ACSS1: variants seen among roughly 807,000 people sequenced by gnomAD.
ACSS1 encodes the protein acyl-CoA synthetase short chain family member 1.
A neutral mutation model predicts 75.3 loss-of-function variants in ACSS1; 42 were observed. The observed-to-expected ratio is 0.56, with a 90% confidence interval of 0.44 to 0.72. ACSS1 has a LOEUF of 0.72. ACSS1 is among the 30% of genes least tolerant of loss of function. ACSS1 has a pLI of 0.00. For synonymous variants in ACSS1, 380 were observed against 376.8 expected (o/e 1.01, Z -0.10); for missense variants, 782 against 935.7 (o/e 0.84, Z 2.14).
intron 2 of ACSS1, among the ~76,000 whole-genome samples, chr20:25,037,480 C>G (rs965678778): frequency 6.6e-6 from 1 of 152,120 alleles, no homozygotes; most frequent in African/African-American, 2.4e-5. Flanking sequence ...GGAAGTAAAC[C>G]CAGGTAATTG....
chr20:25,009,158 T>C, intron 13 of ACSS1, 112 bp downstream of exon 13: 1 of 966,432 alleles, frequency 1.0e-6, no homozygotes, highest in South Asian at 1.5e-5. Flanking sequence ...ACAGCTAGTG[T>C]CCGTTTTGAT....
chr20:25,045,849 A>G (rs2089079517), intron 2 of ACSS1: 1 of 152,260 alleles, frequency 6.6e-6, no homozygotes, highest in Non-Finnish European at 1.5e-5. Context: ...TCACTCAAAC[A>G]GTAAATAGAA....
At chr20:25,021,900 C>T (rs1481736531) in intron 5 of ACSS1, among the ~76,000 whole-genome samples, 3 of 152,148 alleles carry the variant, frequency 2.0e-5, no homozygotes, top group South Asian at 4.1e-4. Flanking sequence ...GGAGCCTGAT[C>T]CCATCTCAGG....
In ACSS1 at chr20:25,020,437, G is replaced by A. The variant is rs370645636; in HGVS notation, c.1109-290C>T. 6.4e-4 allele frequency among the ~76,000 whole-genome samples: 97 copies of A among 152,346 alleles called. 1 individual carries two copies. The South Asian group carries it at 0.014, about 21-fold the overall frequency. ...ATGGCCTAGTTCAAGGTGATACTAC[G>A]TGGATTTAATAACCCATGGAGCATT... On this transcript the variant is annotated intron_variant, in intron 6 of 13. Transcript: ENST00000323482.
intron 7 of ACSS1, among the ~76,000 whole-genome samples, chr20:25,019,657 C>A (rs1010194889): frequency 8.5e-5 from 13 of 152,216 alleles, no homozygotes; most frequent in Non-Finnish European, 1.9e-4. Flanking sequence ...CCACACCCAG[C>A]TAAGTTATAC....
chr20:25,051,352 T>A (rs993021550), intron 1 of ACSS1, among the ~76,000 whole-genome samples: 6 of 152,158 alleles, frequency 3.9e-5, no homozygotes, highest in South Asian at 2.1e-4. Context: ...AGCCAAAGGG[T>A]CATATTGAGG....
intron 8 of ACSS1, among the ~76,000 whole-genome samples, chr20:25,014,918 G>C (rs112895126): frequency 1.3e-5 from 2 of 152,206 alleles, no homozygotes; most frequent in African/African-American, 4.8e-5. Flanking sequence ...GGAGGAAACC[G>C]AGCCTCAGAG....
intron 6 of ACSS1, 147 bp from the exon 7 acceptor site, chr20:25,020,294 G>T: frequency 1.0e-6 from 1 of 959,292 alleles, no homozygotes; most frequent in Non-Finnish European, 1.4e-6. Context: ...CCCCACCCCC[G>T]CCAGTGAAAG....
In ACSS1 at chr20:25,037,005, A is replaced by AAGGAAGG. The variant is rs1555853780; in HGVS notation, c.432-6048_432-6047insCCTTCCT. Among the ~76,000 whole-genome samples the AAGGAAGG allele has an allele frequency of 2.3e-3, 300 of 131,942 alleles. 1 individual carries two copies. Among genetic ancestry groups the AAGGAAGG allele is most frequent in the African/African-American group, 8.4e-3 (282 of 33,680 alleles). The allele number at this position is 131,942 out of a possible 152,430, so 86.6% of individuals were successfully genotyped here. ...AAAGAAAAAGAAAGAAAGAAGAAAGAAAGGAAGGAAGGAAGGAAGGAAGGA... is the reference window on the plus strand; with the variant it reads ...AAAGAAAAAGAAAGAAAGAAGAAAGAAGGAAGGAAGGAAGGAAGGAAGGAAGGAAGGA... On this transcript the variant is annotated intron_variant, in intron 2 of 13. Coordinates refer to ENST00000323482, the MANE Select transcript of ACSS1 (RefSeq NM_032501.4).
intron 2 of ACSS1, chr20:25,032,582 C>T: frequency 8.0e-7 from 1 of 1,243,388 alleles, no homozygotes; most frequent in Non-Finnish European, 1.0e-6. Flanking sequence ...GCGGGGCAGA[C>T]CACCAGCCCG....
At chr20:25,042,127 G>C (rs909443556) in intron 2 of ACSS1, among the ~76,000 whole-genome samples, 5 of 152,180 alleles carry the variant, frequency 3.3e-5, no homozygotes, top group African/African-American at 1.2e-4. Context: ...AACTCCCTCA[G>C]TGTGGGTCAC....
intron 1 of ACSS1, among the ~76,000 whole-genome samples, chr20:25,055,484 C>T (rs1203964006): frequency 1.3e-5 from 2 of 152,194 alleles, no homozygotes; most frequent in African/African-American, 4.8e-5. Context: ...ACACTAATCC[C>T]AATTCTGTTT....
At chr20:25,037,954 C>T (rs553717748) in intron 2 of ACSS1, among the ~76,000 whole-genome samples, 1 of 152,348 alleles carries the variant, frequency 6.6e-6, no homozygotes, top group Non-Finnish European at 1.5e-5. Flanking sequence ...GGCTCATAAA[C>T]CAAGTATGAA....
At chr20:25,028,288 A>G (rs1047797425) in intron 3 of ACSS1, among the ~76,000 whole-genome samples, 1 of 152,234 alleles carries the variant, frequency 6.6e-6, no homozygotes, top group Non-Finnish European at 1.5e-5. Context: ...CAAGAAAGCA[A>G]GAAGAGCCAA....
At chr20:25,012,463 TGA>T in intron 12 of ACSS1, 136 bp downstream of exon 12, 1 of 1,090,912 alleles carries the variant, frequency 9.2e-7, no homozygotes, top group Non-Finnish European at 1.4e-6. Flanking sequence ...AGTTTCCACT[TGA>T]GAGAGAAGAA....
In ACSS1 at chr20:25,015,284, C is replaced by T. The variant is rs1038267069; in HGVS notation, c.1247-54G>A. The T allele has an allele frequency of 7.5e-6, 11 of 1,470,592 alleles. No individual in the cohort carries two copies. In the African/African-American group the frequency reaches 1.1e-4, roughly 15 times the overall value. 91.1% of individuals were successfully genotyped at this position (1,470,592 alleles called of 1,614,324 possible). A position where few individuals can be genotyped will look rare whatever the true frequency, so the allele number is the denominator to read the frequency against. On this transcript the variant is annotated intron_variant, in intron 7 of 13. Coordinates refer to ENST00000323482, the MANE Select transcript of ACSS1 (RefSeq NM_032501.4). ...TAACAGGCTGCAAATAAACCTGAAA[C>T]CAAAGGGAAGTTTTGTTTTTTGTTT...
chr20:25,038,158 A>C (rs2088946316), intron 2 of ACSS1, among the ~76,000 whole-genome samples: 1 of 152,204 alleles, frequency 6.6e-6, no homozygotes, highest in African/African-American at 2.4e-5. Flanking sequence ...TAACAAGATC[A>C]CTAAAGCTAT....
chr20:25,024,391 G>A (rs912361324), intron 3 of ACSS1, among the ~76,000 whole-genome samples: 1 of 152,210 alleles, frequency 6.6e-6, no homozygotes, highest in Non-Finnish European at 1.5e-5. Flanking sequence ...CCCCAGTGCG[G>A]GATGACCCAG....
At position 25,012,794 on chromosome 20, in the gene ACSS1, G is replaced by C; in HGVS notation, c.1707+18C>G. 1 of 1,613,890 alleles carries C rather than the reference G, an allele frequency of 6.2e-7. No homozygotes were observed. The highest frequency in any genetic ancestry group is 8.5e-7 in the Non-Finnish European group (1 of 1,179,868). ...ATGGAGGTGTAGGAGTGAAGGAGGAGGCCCAGCCTGTGCTCACGATGGCGT... is the reference window on the plus strand; with the variant it reads ...ATGGAGGTGTAGGAGTGAAGGAGGACGCCCAGCCTGTGCTCACGATGGCGT... On this transcript the variant is annotated intron_variant, in intron 11 of 13. Transcript: ENST00000323482.
Sources: allele counts gnomAD v4.1 joint callset (sites outside exome capture counted in the v4.1 genomes callset), GRCh38; gene constraint gnomAD v4.1.1; transcripts MANE v1.5; gene names NCBI Gene and HGNC (gene_info 2026-07-23, HGNC 2026-07-21).